AJAP1: variants seen among roughly 807,000 people sequenced by gnomAD.
AJAP1 encodes adherens junctions associated protein 1.
In AJAP1, 5 loss-of-function variants were observed where a neutral mutation model predicts 35.0. The ratio of observed to expected loss-of-function variants is 0.14; its 90% CI spans 0.07 to 0.30. AJAP1 has a LOEUF of 0.30. Ranked by LOEUF, AJAP1 falls within the 10% of genes least tolerant of loss-of-function variation. The probability of loss-of-function intolerance (pLI) is 1.00; values close to 1 mark genes in which losing one functional copy is unlikely to be tolerated. For synonymous variants in AJAP1, 284 were observed against 249.3 expected (o/e 1.14, Z -1.31); for missense variants, 586 against 571.0 (o/e 1.03, Z -0.27).
chr1:4,736,604 C>T (rs1263325661), intron 2 of AJAP1, among the ~76,000 whole-genome samples: 2 of 152,236 alleles, frequency 1.3e-5, no homozygotes, highest in Non-Finnish European at 2.9e-5. Flanking sequence ...CCCCAGTGAA[C>T]CTGCAAGCTC....
At position 4,792,397 on chromosome 1, in the gene AJAP1, T is replaced by C. The variant is rs966023581; in HGVS notation, c.*9912T>C. 6 of 152,010 alleles carry C rather than the reference T, an allele frequency of 3.9e-5. No individual in the cohort carries two copies. The highest frequency in any genetic ancestry group is 1.2e-4 in the African/African-American group (5 of 41,400). The allele number at this position is 152,010 out of a possible 1,614,324, so 9.4% of individuals were successfully genotyped here. On this transcript the variant is annotated 3_prime_UTR_variant, in exon 6 of 6. Coordinates refer to ENST00000378191, the MANE Select transcript of AJAP1 (RefSeq NM_018836.4). ...CAGGTGAACTTTTATTCCAGATTTT[T>C]TTAAGTTGTTTCTGTATTTCAAAGC...
rs889417860 is a variant in AJAP1 at position 4,734,856 on chromosome 1, A to G, written c.829+22157A>G. On this transcript the variant is annotated intron_variant, in intron 2 of 5. Transcript: ENST00000378191. The surrounding 1 kb of genome is among the most constrained non-coding windows in gnomAD (Gnocchi z 4.3). ...GCATCTTCTGCTTCCGAGGCCCGAA[A>G]CAGTGGCGTTTCCTCTTCCCCGAGC... is the stretch of plus-strand genomic sequence containing the variant. Among the ~76,000 whole-genome samples, 3 of 152,134 alleles carry G rather than the reference A, an allele frequency of 2.0e-5. No homozygotes were observed. Among genetic ancestry groups the G allele is most frequent in the Admixed American group, 6.5e-5 (1 of 15,276 alleles).
chr1:4,696,992 GTA>G (rs1451965942), intron 1 of AJAP1, among the ~76,000 whole-genome samples: 2 of 152,050 alleles, frequency 1.3e-5, no homozygotes, highest in African/African-American at 4.8e-5. Flanking sequence ...GTGCATGTGT[GTA>G]TGTGTGCATG....
chr1:4,721,525 C>T (rs930056714), intron 2 of AJAP1, among the ~76,000 whole-genome samples: 2 of 152,218 alleles, frequency 1.3e-5, no homozygotes, highest in Admixed American at 6.5e-5. Flanking sequence ...CCCTGTGGTG[C>T]GTCCCTGGCC....
intron 2 of AJAP1, among the ~76,000 whole-genome samples, chr1:4,750,827 T>C (rs995684463): frequency 1.3e-5 from 2 of 148,482 alleles, no homozygotes; most frequent in Non-Finnish European, 3.0e-5. Context: ...AGTGAGGTGG[T>C]TATTCTCCTC....
rs141064990 is a variant in AJAP1, at chr1:4,743,781, G to A, written c.830-26072G>A. Among the ~76,000 whole-genome samples, 1,138 of 152,286 alleles carry A rather than the reference G, an allele frequency of 7.5e-3. 12 individuals carry two copies. The highest frequency in any genetic ancestry group is 0.026 in the African/African-American group (1,072 of 41,550). On this transcript the variant is annotated intron_variant, in intron 2 of 5. Transcript: ENST00000378191. ...ATGAACTTCATCTATGGGGGGTCTC[G>A]CCGAGAACAATCCCTGACTTACCTG...
At chr1:4,741,640 T>A (rs141996394) in intron 2 of AJAP1, among the ~76,000 whole-genome samples, 28 of 152,226 alleles carry the variant, frequency 1.8e-4, no homozygotes, top group East Asian at 9.7e-4. Flanking sequence ...CAAATGCGAG[T>A]GTTCATACAT....
intron 1 of AJAP1, among the ~76,000 whole-genome samples, chr1:4,674,320 C>T (rs921670128): frequency 6.6e-6 from 1 of 152,132 alleles, no homozygotes; most frequent in Non-Finnish European, 1.5e-5. Context: ...CATCACAGCC[C>T]ACGGCTGCCT....
intron 1 of AJAP1, among the ~76,000 whole-genome samples, chr1:4,690,900 G>A (rs563568557): frequency 1.6e-4 from 24 of 152,330 alleles, no homozygotes; most frequent in South Asian, 1.4e-3. Flanking sequence ...GGTCAAGTGC[G>A]CACTGGGTCA....
chr1:4,659,570 T>C (rs934606775), intron 1 of AJAP1, among the ~76,000 whole-genome samples: 2 of 152,198 alleles, frequency 1.3e-5, no homozygotes, highest in African/African-American at 4.8e-5. Flanking sequence ...AGGGTGTCCA[T>C]GTCAGACCTC....
At chr1:4,719,440 C>T (rs1212481936) in intron 2 of AJAP1, among the ~76,000 whole-genome samples, 3 of 152,188 alleles carry the variant, frequency 2.0e-5, no homozygotes, top group South Asian at 2.1e-4. Flanking sequence ...CTTCATCAAT[C>T]GCCCAATTGT....
Position 4,694,175 on chromosome 1 carries a change from G to C in AJAP1, c.30-17725G>C, listed in dbSNP as rs541231079. ...ACGACCAGCTCAGCCCAGGGGCACG[G>C]GTGCCAGTCTGCACCCACTTCATGC... On this transcript the variant is annotated intron_variant, in intron 1 of 5. Transcript: ENST00000378191. Among the ~76,000 whole-genome samples, 4 of 132,890 alleles carry C rather than the reference G, an allele frequency of 3.0e-5. No homozygotes were observed. The East Asian group carries it at 9.6e-4, about 32-fold the overall frequency. The allele number at this position is 132,890 out of a possible 152,430, so 87.2% of individuals were successfully genotyped here.
At chr1:4,748,157 C>A (rs1641234249) in intron 2 of AJAP1, among the ~76,000 whole-genome samples, 1 of 152,132 alleles carries the variant, frequency 6.6e-6, no homozygotes, top group Non-Finnish European at 1.5e-5. Flanking sequence ...CTGGCCTCAT[C>A]CTCGCCCCTG....
At chr1:4,709,597 C>T (rs1640180486) in intron 1 of AJAP1, among the ~76,000 whole-genome samples, 1 of 152,218 alleles carries the variant, frequency 6.6e-6, no homozygotes, top group African/African-American at 2.4e-5. Context: ...AGATTCTAAA[C>T]CAGCTCCCAT....
intron 5 of AJAP1, among the ~76,000 whole-genome samples, chr1:4,775,261 T>C (rs989199576): frequency 6.6e-5 from 10 of 152,238 alleles, no homozygotes; most frequent in South Asian, 4.2e-4. Context: ...GGAGAGAGCA[T>C]TGCGCCCTCA....
rs532486692 is a variant in AJAP1, at chr1:4,734,684, C to A, written c.829+21985C>A. Among the ~76,000 whole-genome samples, 1 of 152,218 alleles carries A rather than the reference C, an allele frequency of 6.6e-6. No individual in the cohort carries two copies. Among genetic ancestry groups the A allele is most frequent in the African/African-American group, 2.4e-5 (1 of 41,540 alleles). ...TGCACTGGATGGGGCTGGAGTGGCA[C>A]CTGTGGGCGATGCTGAATATGATGC... On this transcript the variant is annotated intron_variant, in intron 2 of 5. Coordinates refer to ENST00000378191, the MANE Select transcript of AJAP1 (RefSeq NM_018836.4). This position sits in a 1 kb window ranked among gnomAD's most constrained non-coding sequence, Gnocchi z 4.3.
At chr1:4,771,578 C>T (rs543749267) in intron 3 of AJAP1, among the ~76,000 whole-genome samples, 8 of 152,256 alleles carry the variant, frequency 5.3e-5, no homozygotes, top group East Asian at 3.9e-4. Context: ...CCGGGGGCCT[C>T]GATTCTTGCT....
chr1:4,732,698 C>G (rs1029171146), intron 2 of AJAP1, among the ~76,000 whole-genome samples: 2 of 152,248 alleles, frequency 1.3e-5, no homozygotes, highest in African/African-American at 4.8e-5. Flanking sequence ...GGGTGAACCC[C>G]TGGCCCTTCC....
At chr1:4,726,003 C>A (rs1254541706) in intron 2 of AJAP1, among the ~76,000 whole-genome samples, 1 of 152,230 alleles carries the variant, frequency 6.6e-6, no homozygotes. Context: ...ACCCATAACA[C>A]CTCCCACCTC....
Sources: allele counts gnomAD v4.1 joint callset (sites outside exome capture counted in the v4.1 genomes callset), GRCh38; gene constraint gnomAD v4.1.1; non-coding constraint Gnocchi (gnomAD v3.1); transcripts MANE v1.5; gene names NCBI Gene and HGNC (gene_info 2026-07-23, HGNC 2026-07-21).